The following BTF3L4 variants were observed in gnomAD, a reference collection of about 807,000 sequenced individuals.
The protein encoded by BTF3L4 is basic transcription factor 3 like 4.
In BTF3L4, 6 loss-of-function variants were observed where a neutral mutation model predicts 16.8. The observed-to-expected ratio is 0.36, with a 90% CI of 0.20 to 0.71. The LOEUF is 0.71. Ranked by LOEUF, BTF3L4 falls within the 30% of genes least tolerant of loss-of-function variation. The pLI is 0.58. For synonymous variants in BTF3L4, 39 were observed against 59.8 expected (o/e 0.65, Z 1.60); for missense variants, 92 against 186.9 (o/e 0.49, Z 2.96).
intron 2 of BTF3L4, among the ~76,000 whole-genome samples, chr1:52,061,835 T>C (rs1307156025): frequency 6.6e-6 from 1 of 151,176 alleles, no homozygotes; most frequent in Non-Finnish European, 1.5e-5. Context: ...AGAGATGGAG[T>C]TTCTTCATGT....
intron 2 of BTF3L4, chr1:52,060,723 G>C: frequency 1.5e-6 from 1 of 671,128 alleles, no homozygotes; most frequent in South Asian, 5.5e-5. Flanking sequence ...GATAACCACA[G>C]TTCCTGGGGA....
At chr1:52,072,592 T>C (rs982008280) in intron 3 of BTF3L4, among the ~76,000 whole-genome samples, 2 of 152,192 alleles carry the variant, frequency 1.3e-5, no homozygotes, top group Non-Finnish European at 2.9e-5. Context: ...CTTTTGTGCC[T>C]GGAGGCCTGA....
At chr1:52,059,308 A>C (rs1353577557) in intron 1 of BTF3L4, among the ~76,000 whole-genome samples, 1 of 152,186 alleles carries the variant, frequency 6.6e-6, no homozygotes, top group African/African-American at 2.4e-5. Flanking sequence ...ACTACTTGAT[A>C]TCTTGACAGC....
rs1437973524 is a variant in BTF3L4, at chr1:52,079,589, AAACTC to A, written c.169-3748_169-3744del. 9.9e-5 allele frequency among the ~76,000 whole-genome samples: 15 copies of A among 152,162 alleles called. 1 individual carries two copies. The highest frequency in any genetic ancestry group is 3.1e-4 in the African/African-American group (13 of 41,444). ...TGGAATTCATCTTGCTTTTCACACTAAACTCAAGCATATTTCAAACTAGAAAGACC... is the reference window on the plus strand; with the variant it reads ...TGGAATTCATCTTGCTTTTCACACTAAAGCATATTTCAAACTAGAAAGACC... On this transcript the variant is annotated intron_variant, in intron 3 of 5. Coordinates refer to ENST00000313334, the MANE Select transcript of BTF3L4 (RefSeq NM_152265.5).
At chr1:52,084,513 T>A (rs1276444673) in intron 4 of BTF3L4, among the ~76,000 whole-genome samples, 3 of 151,422 alleles carry the variant, frequency 2.0e-5, no homozygotes, top group Non-Finnish European at 4.4e-5. Context: ...GTTATATGGC[T>A]GGGCGCAGTG....
In BTF3L4 at chr1:52,077,934, T is replaced by C. The variant is rs201804296; in HGVS notation, c.169-5406T>C. Among the ~76,000 whole-genome samples the C allele has an allele frequency of 7.9e-5, 12 of 152,248 alleles. No individual in the cohort carries two copies. In the East Asian group the frequency reaches 2.1e-3, roughly 27 times the overall value. On this transcript the variant is annotated intron_variant, in intron 3 of 5. Coordinates refer to ENST00000313334, the MANE Select transcript of BTF3L4 (RefSeq NM_152265.5). Reference sequence around the variant, plus strand: ...TGGGCTGATTCTGAAAGGTCAAAACTATAGGAAAAGTCAGGCTAAAGATAC... The same window carrying C: ...TGGGCTGATTCTGAAAGGTCAAAACCATAGGAAAAGTCAGGCTAAAGATAC...
chr1:52,081,309 T>C (rs1643918619), intron 3 of BTF3L4, among the ~76,000 whole-genome samples: 1 of 151,978 alleles, frequency 6.6e-6, no homozygotes, highest in Admixed American at 6.6e-5. Flanking sequence ...TATTTTTGTA[T>C]TTTTAGTAGA....
chr1:52,088,295 C>CA lies in BTF3L4; in HGVS notation c.*1540dup, dbSNP rs558896481. On this transcript the variant is annotated 3_prime_UTR_variant, in exon 6 of 6. Transcript: ENST00000313334. ...CAAAGCTCTTGTATTTTTTTTCATC[C>CA]AAACACCTCAATTTATTTTATAAAT... The CA allele has an allele frequency of 2.6e-4, 39 of 152,520 alleles. No individual in the cohort carries two copies. In the East Asian group the frequency reaches 5.2e-3, roughly 20 times the overall value. The allele number at this position is 152,520 out of a possible 1,614,324, so 9.4% of individuals were successfully genotyped here. A position where few individuals can be genotyped will look rare whatever the true frequency, so the allele number is the denominator to read the frequency against.
chr1:52,075,725 G>A (rs918608338), intron 3 of BTF3L4, among the ~76,000 whole-genome samples: 8 of 151,508 alleles, frequency 5.3e-5, no homozygotes, highest in Admixed American at 1.3e-4. Context: ...GTGCGGTGGC[G>A]CGATCTTGGC....
intron 3 of BTF3L4, among the ~76,000 whole-genome samples, chr1:52,077,082 C>T (rs1686952627): frequency 6.6e-6 from 1 of 152,046 alleles, no homozygotes; most frequent in Non-Finnish European, 1.5e-5. Flanking sequence ...GCAGAAGGAT[C>T]CCTTGAGCCC....
intron 3 of BTF3L4, chr1:52,065,506 T>TC (rs1686623487): frequency 6.6e-6 from 1 of 152,068 alleles, no homozygotes; most frequent in African/African-American, 2.4e-5. Context: ...CCTCAGATGA[T>TC]CCGCCTGCCT....
At chr1:52,084,507 T>C (rs185331397) in intron 4 of BTF3L4, among the ~76,000 whole-genome samples, 70 of 152,048 alleles carry the variant, frequency 4.6e-4, no homozygotes, top group African/African-American at 1.5e-3. Flanking sequence ...AATACTGTTA[T>C]ATGGCTGGGC....
chr1:52,060,422 T>G lies in BTF3L4; in HGVS notation c.54+521T>G, dbSNP rs1428090813. ...TAAGTTGATTATATATTTTGTTCAT[T>G]GCCAGGTTTTCCTCACAAATTCTTA... is the stretch of plus-strand genomic sequence containing the variant. On this transcript the variant is annotated intron_variant, in intron 2 of 5. Transcript: ENST00000313334. 8.8e-6 allele frequency: 11 copies of G among 1,246,234 alleles called. No individual in the cohort carries two copies. In the African/African-American group the frequency reaches 1.5e-4, roughly 17 times the overall value. The allele number at this position is 1,246,234 out of a possible 1,614,324, so 77.2% of individuals were successfully genotyped here. A position where few individuals can be genotyped will look rare whatever the true frequency, so the allele number is the denominator to read the frequency against.
chr1:52,062,762 A>C (rs1313426830), intron 2 of BTF3L4, among the ~76,000 whole-genome samples: 2 of 152,234 alleles, frequency 1.3e-5, no homozygotes, highest in African/African-American at 4.8e-5. Flanking sequence ...CTAGAGTCTA[A>C]GGCAGCAGTC....
In BTF3L4 at chr1:52,083,403, C is replaced by G; in HGVS notation, c.232C>G (p.Leu78Val). Residue 78 changes from leucine to valine, a missense_variant, in exon 4 of 6, where the codon CTT becomes GTT. Transcript: ENST00000313334. ...CAACAATCCCAAAGTCCAAGCTTCC[C>G]TTTCTGCTAATACCTTTGCAATTAC... Reference protein sequence around the residue: ...HFNNPKVQASLSANTFAITGH... With the variant: ...HFNNPKVQASVSANTFAITGH... 6.2e-6 allele frequency: 10 copies of G among 1,611,894 alleles called. No homozygotes were observed. The highest frequency in any genetic ancestry group is 8.5e-6 in the Non-Finnish European group (10 of 1,178,276).
At chr1:52,061,199 G>A (rs1686498361) in intron 2 of BTF3L4, among the ~76,000 whole-genome samples, 1 of 152,132 alleles carries the variant, frequency 6.6e-6, no homozygotes, top group African/African-American at 2.4e-5. Context: ...GGTAATGGCT[G>A]GCAGAAAGGT....
In BTF3L4 at chr1:52,086,979, A is replaced by T. The variant is rs1177804965; in HGVS notation, c.*221A>T. 2 of 417,312 alleles carry T rather than the reference A, an allele frequency of 4.8e-6. No homozygotes were observed. 25.9% of individuals were successfully genotyped at this position (417,312 alleles called of 1,614,324 possible). A position where few individuals can be genotyped will look rare whatever the true frequency, so the allele number is the denominator to read the frequency against. ...TGGTCAAAATATGAAGTATTGGTGC[A>T]GTTTGAGGGTGTTTTGGTTTTTGAT... is the stretch of plus-strand genomic sequence containing the variant. On this transcript the variant is annotated 3_prime_UTR_variant, in exon 6 of 6. Coordinates refer to ENST00000313334, the MANE Select transcript of BTF3L4 (RefSeq NM_152265.5).
chr1:52,073,560 A>G (rs1016905161), intron 3 of BTF3L4, among the ~76,000 whole-genome samples: 5 of 150,640 alleles, frequency 3.3e-5, no homozygotes, highest in African/African-American at 1.2e-4. Flanking sequence ...ACAATTTAGA[A>G]TTCTTTTTTT....
rs1420232460 is a variant in BTF3L4 at position 52,088,920 on chromosome 1, T to A, written c.*2162T>A. On this transcript the variant is annotated 3_prime_UTR_variant, in exon 6 of 6. Coordinates refer to ENST00000313334, the MANE Select transcript of BTF3L4 (RefSeq NM_152265.5). ...GCCTCCACAGTAGCTGGGATTTTTT[T>A]TTTTTTTTTTTGTATTTTTAGTAGA... The A allele has an allele frequency of 6.6e-6, 1 of 151,334 alleles. No individual in the cohort carries two copies. Among genetic ancestry groups the A allele is most frequent in the Non-Finnish European group, 1.5e-5 (1 of 67,898 alleles). 9.4% of individuals were successfully genotyped at this position (151,334 alleles called of 1,614,324 possible).
Sources: allele counts gnomAD v4.1 joint callset (sites outside exome capture counted in the v4.1 genomes callset), GRCh38; gene constraint gnomAD v4.1.1; transcripts MANE v1.5; gene names NCBI Gene and HGNC (gene_info 2026-07-23, HGNC 2026-07-21).